The following SMCO4 variants were observed in gnomAD, a reference collection of about 807,000 sequenced individuals.
SMCO4 encodes single-pass membrane protein with coiled-coil domains 4, also known as single-pass membrane and coiled-coil domain-containing protein 4.
Under a neutral mutation model 3.6 loss-of-function variants are expected in SMCO4, and 4 were observed. The ratio of observed to expected loss-of-function variants is 1.11; its 90% CI spans 0.54 to 2.53. SMCO4 has a LOEUF of 2.53. Ranked by LOEUF, SMCO4 falls within the 30% of genes most tolerant of loss-of-function variation. The pLI is 0.02. For synonymous variants in SMCO4, 36 were observed against 35.3 expected (o/e 1.02, Z -0.07); for missense variants, 70 against 80.8 (o/e 0.87, Z 0.51).
At chr11:93,505,355 T>C (rs1364067132) in intron 1 of SMCO4, among the ~76,000 whole-genome samples, 1 of 152,258 alleles carries the variant, frequency 6.6e-6, no homozygotes, top group Non-Finnish European at 1.5e-5. Context: ...ATATAAAAAG[T>C]ATAATTAACA....
chr11:93,486,425 G>A (rs1478776843), intron 2 of SMCO4, among the ~76,000 whole-genome samples: 1 of 152,234 alleles, frequency 6.6e-6, no homozygotes, highest in African/African-American at 2.4e-5. Flanking sequence ...ACACAGGGAA[G>A]GTTGTGAGAG....
intron 2 of SMCO4, among the ~76,000 whole-genome samples, chr11:93,480,066 A>G (rs968474008): frequency 1.8e-4 from 28 of 152,204 alleles, no homozygotes; most frequent in African/African-American, 6.0e-4. Context: ...GAATGAATAC[A>G]AATGTTTGGA....
At position 93,479,275 on chromosome 11, in the gene SMCO4, G is replaced by A. The variant is rs1948563896; in HGVS notation, c.-80-6C>T. 2.0e-6 allele frequency: 3 copies of A among 1,527,772 alleles called. No homozygotes were observed. Among genetic ancestry groups the A allele is most frequent in the Non-Finnish European group, 2.6e-6 (3 of 1,138,794 alleles). 94.6% of individuals were successfully genotyped at this position (1,527,772 alleles called of 1,614,324 possible). A position where few individuals can be genotyped will look rare whatever the true frequency, so the allele number is the denominator to read the frequency against. On this transcript the variant is annotated splice_region_variant and splice_polypyrimidine_tract_variant and intron_variant, in intron 2 of 2. Coordinates refer to ENST00000298966, the MANE Select transcript of SMCO4 (RefSeq NM_020179.3). Reference sequence around the variant, plus strand: ...CTTGCCAAGGCTGGAACCTCCTGTAGAGAGAACAACTGTGATAGTAGAGAA... The same window carrying A: ...CTTGCCAAGGCTGGAACCTCCTGTAAAGAGAACAACTGTGATAGTAGAGAA...
At chr11:93,494,794 C>A (rs1948755942) in intron 2 of SMCO4, among the ~76,000 whole-genome samples, 1 of 152,182 alleles carries the variant, frequency 6.6e-6, no homozygotes, top group Non-Finnish European at 1.5e-5. Context: ...CCTACAGAAT[C>A]CCTATTGTAA....
At chr11:93,533,688 G>T (rs1011081734) in intron 1 of SMCO4, among the ~76,000 whole-genome samples, 9 of 152,094 alleles carry the variant, frequency 5.9e-5, no homozygotes, top group African/African-American at 2.2e-4. Flanking sequence ...CAGGAGCAAT[G>T]GTATTGGAAG....
intron 1 of SMCO4, among the ~76,000 whole-genome samples, chr11:93,515,808 CACCACTGT>C (rs760166274): frequency 7.2e-5 from 11 of 152,168 alleles, no homozygotes; most frequent in Non-Finnish European, 1.5e-4. Flanking sequence ...ATGTGCACTA[CACCACTGT>C]ACGTCTCCCC....
intron 1 of SMCO4, among the ~76,000 whole-genome samples, chr11:93,527,413 G>A (rs1949119310): frequency 6.6e-6 from 1 of 152,076 alleles, no homozygotes; most frequent in Non-Finnish European, 1.5e-5. Context: ...AATCTCTCAG[G>A]GGATGTGGTT....
intron 1 of SMCO4, among the ~76,000 whole-genome samples, chr11:93,514,165 GA>G (rs1401649445): frequency 6.6e-6 from 1 of 151,866 alleles, no homozygotes; most frequent in Non-Finnish European, 1.5e-5. Context: ...TTAAAGTGGG[GA>G]AAATGGAAGG....
intron 2 of SMCO4, among the ~76,000 whole-genome samples, chr11:93,496,171 G>A (rs961311808): frequency 1.2e-4 from 18 of 152,190 alleles, no homozygotes; most frequent in Non-Finnish European, 2.4e-4. Context: ...AGGAATAGAA[G>A]AAAAGGGGAA....
chr11:93,532,488 G>A (rs980124446), intron 1 of SMCO4, among the ~76,000 whole-genome samples: 6 of 152,180 alleles, frequency 3.9e-5, no homozygotes, highest in South Asian at 4.1e-4. Flanking sequence ...ACGGAGTCCC[G>A]CTGCCAGCCT....
At position 93,488,848 on chromosome 11, in the gene SMCO4, G is replaced by C. The variant is rs375717599; in HGVS notation, c.-80-9579C>G. Among the ~76,000 whole-genome samples the C allele has an allele frequency of 2.7e-4, 41 of 152,250 alleles. No individual in the cohort carries two copies. In the South Asian group the frequency reaches 8.5e-3, roughly 32 times the overall value. Reference sequence around the variant, plus strand: ...GGAGCAATCCAAAGTCTAGACCTTGGGGGAGTTGAAGAGGAAGCAGGAAAA... The same window carrying C: ...GGAGCAATCCAAAGTCTAGACCTTGCGGGAGTTGAAGAGGAAGCAGGAAAA... On this transcript the variant is annotated intron_variant, in intron 2 of 2. Transcript: ENST00000298966.
At chr11:93,523,941 G>C (rs1374187495) in intron 1 of SMCO4, among the ~76,000 whole-genome samples, 1 of 152,166 alleles carries the variant, frequency 6.6e-6, no homozygotes, top group East Asian at 1.9e-4. Flanking sequence ...ACCTTGGAAA[G>C]ATTCTAGCTG....
intron 1 of SMCO4, among the ~76,000 whole-genome samples, chr11:93,506,174 C>T (rs1297206706): frequency 1.3e-5 from 2 of 152,098 alleles, no homozygotes; most frequent in African/African-American, 4.8e-5. Context: ...GTAGAGGGGG[C>T]ATGGAGCCAA....
chr11:93,528,857 C>G (rs10831055), intron 1 of SMCO4, among the ~76,000 whole-genome samples: 33,637 of 152,132 alleles, frequency 0.22, 3,966 homozygotes, highest in Middle Eastern at 0.31. Flanking sequence ...GAAATCACAG[C>G]ATGCCGCCTA....
chr11:93,514,413 T>TATATACATACAC (rs58462328), intron 1 of SMCO4, among the ~76,000 whole-genome samples: 4 of 33,948 alleles, frequency 1.2e-4, no homozygotes, highest in African/African-American at 3.7e-4. Context: ...TATATATATA[T>TATATACATACAC]ATATATATAA....
At chr11:93,490,707 T>A (rs570208799) in intron 2 of SMCO4, among the ~76,000 whole-genome samples, 1 of 152,188 alleles carries the variant, frequency 6.6e-6, no homozygotes, top group Admixed American at 6.5e-5. Context: ...GGTCTGTATA[T>A]TAAAAGGGCA....
chr11:93,545,944 G>A (rs1330077519), upstream of SMCO4, among the ~76,000 whole-genome samples: 1 of 152,250 alleles, frequency 6.6e-6, no homozygotes, highest in East Asian at 1.9e-4. Flanking sequence ...ACCCTGAGAA[G>A]AGAAAGCCTT....
At chr11:93,552,005 C>T in the SMCO4 span, among the ~76,000 whole-genome samples, 3 of 151,984 alleles carry the variant, frequency 2.0e-5, no homozygotes, top group Admixed American at 6.6e-5. Context: ...CATTGAACAA[C>T]AGTTTACTTT....
intron 1 of SMCO4, among the ~76,000 whole-genome samples, chr11:93,539,812 G>A (rs1366662169): frequency 6.6e-6 from 1 of 152,002 alleles, no homozygotes; most frequent in Non-Finnish European, 1.5e-5. Context: ...GCATCTAACA[G>A]AAATTTCCCC....
Sources: gnomAD v4.1 joint callset for allele counts (sites outside exome capture counted in the v4.1 genomes callset) on GRCh38, gnomAD v4.1.1 for gene constraint, MANE v1.5 for transcripts, NCBI Gene and HGNC (gene_info 2026-07-23, HGNC 2026-07-21) for gene names.